ATP1A4: variants seen among roughly 807,000 people sequenced by gnomAD.
The protein encoded by ATP1A4 is ATPase Na+/K+ transporting subunit alpha 4.
A neutral mutation model predicts 114.3 loss-of-function variants in ATP1A4; 90 were observed. The ratio of observed to expected loss-of-function variants is 0.79; its 90% confidence interval spans 0.66 to 0.94. The LOEUF is 0.94. Among genes scored for constraint, ATP1A4 ranks in the 40% least tolerant of loss-of-function variants. ATP1A4 has a pLI of 0.00. For missense variants in ATP1A4, 1,222 were observed against 1,313.6 expected (o/e 0.93, Z 1.08); for synonymous variants, 511 against 494.1 (o/e 1.03, Z -0.45).
intron 17 of ATP1A4, among the ~76,000 whole-genome samples, chr1:160,176,845 T>C (rs1449164742): frequency 6.6e-6 from 1 of 152,146 alleles, no homozygotes; most frequent in Non-Finnish European, 1.5e-5. Context: ...AGACAGAACA[T>C]ACTACAGGAT....
intron 17 of ATP1A4, 101 bp from the exon 18 acceptor site, chr1:160,177,418 C>T (rs1417850108): frequency 7.7e-7 from 1 of 1,305,286 alleles, no homozygotes; most frequent in Non-Finnish European, 1.1e-6. Context: ...ACACACCAGC[C>T]CAGCCAGAAG....
intron 4 of ATP1A4, among the ~76,000 whole-genome samples, chr1:160,156,748 G>A (rs575967193): frequency 1.3e-5 from 2 of 152,258 alleles, no homozygotes; most frequent in East Asian, 3.9e-4. Flanking sequence ...TAAGTCTGCA[G>A]TGAACTGTGA....
intron 12 of ATP1A4, among the ~76,000 whole-genome samples, chr1:160,172,309 G>T (rs528378128): frequency 6.6e-6 from 1 of 152,308 alleles, no homozygotes; most frequent in African/African-American, 2.4e-5. Context: ...GCGGTAAAAG[G>T]GTGAGGCTAG....
chr1:160,159,079 C>T lies in ATP1A4; in HGVS notation c.603C>T (p.Ile201=), dbSNP rs758676862. 7.4e-6 allele frequency: 12 copies of T among 1,614,012 alleles called. No individual in the cohort carries two copies. ...QEVVLGDLVE[I]KGGDRVPADL... is the part of the protein sequence containing the mutation. The stretch of plus-strand genomic sequence containing the variant: ...TGGTGTTGGGAGACCTGGTGGAAAT[C>T]AAGGGTGGAGACCGAGTCCCTGCTG... The change falls in exon 5 of 22, where the codon ATC becomes ATT. Residue 201 remains isoleucine (I), a synonymous_variant. Transcript: ENST00000368081.
intron 20 of ATP1A4, among the ~76,000 whole-genome samples, chr1:160,183,763 T>C (rs1653787149): frequency 6.6e-6 from 1 of 152,212 alleles, no homozygotes; most frequent in Non-Finnish European, 1.5e-5. Flanking sequence ...TATTTAATTT[T>C]AATCAAAGTC....
intron 3 of ATP1A4, among the ~76,000 whole-genome samples, chr1:160,155,590 T>C (rs1652623345): frequency 6.6e-6 from 1 of 152,114 alleles, no homozygotes; most frequent in Non-Finnish European, 1.5e-5. Flanking sequence ...TCCATCTTGG[T>C]TCCTCTCACC....
chr1:160,163,427 C>G (rs1166976192), intron 6 of ATP1A4, among the ~76,000 whole-genome samples: 1 of 152,170 alleles, frequency 6.6e-6, no homozygotes, highest in African/African-American at 2.4e-5. Flanking sequence ...TTGGGGTTCC[C>G]ACGACTCCCT....
At chr1:160,159,636 C>A in intron 6 of ATP1A4, 110 bp downstream of exon 6, 2 of 917,416 alleles carry the variant, frequency 2.2e-6, no homozygotes, top group South Asian at 1.7e-5. Flanking sequence ...AGTAAAAAGT[C>A]GAGCTTCTCC....
At chr1:160,167,108 A>G (rs762993522) in intron 9 of ATP1A4, 31 bp downstream of exon 9, 3 of 1,607,654 alleles carry the variant, frequency 1.9e-6, no homozygotes, top group Admixed American at 3.3e-5. Flanking sequence ...AGGGTACCTC[A>G]GTGTCCAGGG....
intron 14 of ATP1A4, 52 bp from the exon 15 acceptor site, chr1:160,174,527 T>G (rs1039889476): frequency 3.8e-6 from 6 of 1,590,184 alleles, no homozygotes; most frequent in Admixed American, 3.4e-5. Context: ...TTGGGACTAG[T>G]TCTGGATCTG....
intron 10 of ATP1A4, chr1:160,170,610 G>A (rs1218783073): frequency 1.4e-5 from 2 of 137,934 alleles, no homozygotes; most frequent in African/African-American, 2.7e-5. Context: ...TTGAGACGGC[G>A]TCTGGCTCTG....
intron 20 of ATP1A4, among the ~76,000 whole-genome samples, chr1:160,184,100 G>A (rs1027801018): frequency 6.6e-6 from 1 of 151,940 alleles, no homozygotes; most frequent in East Asian, 1.9e-4. Context: ...TTACAGGCAC[G>A]CGTCACCACA....
At position 160,164,322 on chromosome 1, in the gene ATP1A4, T is replaced by G; in HGVS notation, c.945T>G (p.Phe315Leu). Residue 315 changes from phenylalanine (F) to leucine (L), a missense_variant, in exon 7 of 22, where the codon TTT becomes TTG. Physicochemically the swap from Phe to Leu is conservative, Grantham distance 22. Transcript: ENST00000368081. ...CCGTCTTCCTTGGTGTCACTTTTTTTGCGCTCTCACTTCTCTTGGGCTATG... is the reference window on the plus strand; with the variant it reads ...CCGTCTTCCTTGGTGTCACTTTTTTGGCGCTCTCACTTCTCTTGGGCTATG... The part of the protein sequence containing the change: ...VVAVFLGVTF[F>L]ALSLLLGYGW... 1.2e-6 allele frequency: 2 copies of G among 1,614,214 alleles called. No individual in the cohort carries two copies. The highest frequency in any genetic ancestry group is 1.7e-6 in the Non-Finnish European group (2 of 1,180,028).
chr1:160,162,003 A>G (rs1652879603), intron 6 of ATP1A4, among the ~76,000 whole-genome samples: 1 of 152,178 alleles, frequency 6.6e-6, no homozygotes, highest in East Asian at 1.9e-4. Flanking sequence ...AAAGAAACTA[A>G]TTTTCAAGTG....
At chr1:160,186,411 C>T (rs1398644775) in intron 21 of ATP1A4, 44 bp downstream of exon 21, 4 of 1,450,972 alleles carry the variant, frequency 2.8e-6, no homozygotes, top group Non-Finnish European at 3.8e-6. Context: ...GGTCACCAGC[C>T]CCCTCACTAG....
chr1:160,174,820 T>C, intron 15 of ATP1A4, 73 bp downstream of exon 15: 1 of 1,587,722 alleles, frequency 6.3e-7, no homozygotes. Context: ...CATCCCCTCT[T>C]TCCGTTTTCC....
chr1:160,164,335 C>T lies in ATP1A4; in HGVS notation c.958C>T (p.Leu320Phe). ...TGTCACTTTTTTTGCGCTCTCACTT[C>T]TCTTGGGCTATGGTTGGCTGGAGGC... ...LGVTFFALSL[L>F]LGYGWLEAII... Residue 320 changes from leucine (L) to phenylalanine (F), a missense_variant, in exon 7 of 22, where the codon CTC (leucine) becomes TTC (phenylalanine). Physicochemically the swap from Leu to Phe is conservative, Grantham distance 22. Transcript: ENST00000368081. 1 of 1,614,176 alleles carries T rather than the reference C, an allele frequency of 6.2e-7. No individual in the cohort carries two copies. Among genetic ancestry groups the T allele is most frequent in the Non-Finnish European group, 8.5e-7 (1 of 1,180,020 alleles).
intron 10 of ATP1A4, 117 bp from the exon 11 acceptor site, chr1:160,171,134 A>G: frequency 2.2e-6 from 2 of 929,908 alleles, no homozygotes; most frequent in Non-Finnish European, 3.3e-6. Context: ...AGGGGAGGGA[A>G]CAAAAGAAAT....
rs1652960898 is a variant in ATP1A4 at position 160,164,323 on chromosome 1, G to A, written c.946G>A (p.Ala316Thr). The change falls in exon 7 of 22, where the codon GCG becomes ACG. Residue 316 changes from alanine (A) to threonine (T), a missense_variant. Coordinates refer to ENST00000368081, the MANE Select transcript of ATP1A4 (RefSeq NM_144699.4). Reference protein sequence around the residue: ...VAVFLGVTFFALSLLLGYGWL... With the variant: ...VAVFLGVTFFTLSLLLGYGWL... ...CGTCTTCCTTGGTGTCACTTTTTTT[G>A]CGCTCTCACTTCTCTTGGGCTATGG... is the stretch of plus-strand genomic sequence containing the variant. The A allele has an allele frequency of 1.2e-6, 2 of 1,614,058 alleles. No individual in the cohort carries two copies. The highest frequency in any genetic ancestry group is 1.7e-6 in the Non-Finnish European group (2 of 1,179,990).
Sources: gnomAD v4.1 joint callset for allele counts (sites outside exome capture counted in the v4.1 genomes callset) on GRCh38, gnomAD v4.1.1 for gene constraint, MANE v1.5 for transcripts, NCBI Gene and HGNC (gene_info 2026-07-23, HGNC 2026-07-21) for gene names.